The following SNPH variants were observed in gnomAD, a reference collection of about 807,000 sequenced individuals.
The protein encoded by SNPH is syntaphilin.
Under a neutral mutation model 36.8 loss-of-function variants are expected in SNPH, and 10 were observed. The ratio of observed to expected loss-of-function variants is 0.27; its 90% CI spans 0.17 to 0.46. SNPH has a LOEUF of 0.46. SNPH is among the 20% of genes least tolerant of loss of function. SNPH has a pLI of 1.00. For missense variants in SNPH, 622 were observed against 744.0 expected (o/e 0.84, Z 1.91); for synonymous variants, 281 against 312.2 (o/e 0.90, Z 1.05).
intron 5 of SNPH, among the ~76,000 whole-genome samples, chr20:1,298,607 C>T (rs535150420): frequency 3.3e-5 from 5 of 152,190 alleles, no homozygotes; most frequent in Non-Finnish European, 5.9e-5. Context: ...TAACACACCT[C>T]GTAACTGCAG....
Position 1,306,096 on chromosome 20 carries a change from A to T in SNPH, c.*42A>T. The T allele has an allele frequency of 7.3e-7, 1 of 1,368,334 alleles. No individual in the cohort carries two copies. The highest frequency in any genetic ancestry group is 1.6e-5 in the South Asian group (1 of 62,196). The allele number at this position is 1,368,334 out of a possible 1,614,324, so 84.8% of individuals were successfully genotyped here. ...AGCGGCGCCTGCGGCCTGACCACTG[A>T]TTGTAGGGATGCCGTTCCCCCCTCC... On this transcript the variant is annotated 3_prime_UTR_variant, in exon 7 of 7. Transcript: ENST00000381867.
intron 2 of SNPH, among the ~76,000 whole-genome samples, chr20:1,283,649 T>G (rs1282590507): frequency 6.6e-6 from 1 of 152,244 alleles, no homozygotes; most frequent in Non-Finnish European, 1.5e-5. Context: ...CATGCAGGTC[T>G]TTAAGCATGA....
rs1236551159 is a variant in SNPH, at chr20:1,305,405, G to C, written c.968G>C (p.Ser323Thr). Residue 323 changes from serine to threonine, a missense_variant, in exon 7 of 7, where the codon AGC becomes ACC. Transcript: ENST00000381867. ...GGCACCGAGGAGACCTCGCTGCACA[G>C]CTCCTTCGGCCTGGGCCCCCGCTTC... The part of the protein sequence containing the change: ...DCGTEETSLH[S>T]SFGLGPRFPA... The C allele has an allele frequency of 1.2e-6, 2 of 1,613,042 alleles. No individual in the cohort carries two copies. The highest frequency in any genetic ancestry group is 1.7e-6 in the Non-Finnish European group (2 of 1,180,020).
Position 1,266,553 on chromosome 20 carries a change from G to C in SNPH, c.-599-101G>C. 1.5e-6 allele frequency: 2 copies of C among 1,375,678 alleles called. No homozygotes were observed. The highest frequency in any genetic ancestry group is 1.9e-6 in the Non-Finnish European group (2 of 1,067,028). 85.2% of individuals were successfully genotyped at this position (1,375,678 alleles called of 1,614,324 possible). ...GGCAGCCTGCCCTCCAAGCCTTCTG[G>C]CTGCAGCGGCCCAGCTGTCAGCGGC... is the stretch of plus-strand genomic sequence containing the variant. On this transcript the variant is annotated intron_variant, in intron 1 of 6. Coordinates refer to ENST00000381867, the MANE Select transcript of SNPH (RefSeq NM_001318234.2). The surrounding 1 kb of genome is among the most constrained non-coding windows in gnomAD (Gnocchi z 6.0).
In SNPH at chr20:1,308,059, A is replaced by C. The variant is rs1446164283; in HGVS notation, c.*2005A>C. The C allele has an allele frequency of 6.6e-6, 1 of 152,558 alleles. No individual in the cohort carries two copies. The highest frequency in any genetic ancestry group is 2.4e-5 in the African/African-American group (1 of 41,422). 9.5% of individuals were successfully genotyped at this position (152,558 alleles called of 1,614,324 possible). A position where few individuals can be genotyped will look rare whatever the true frequency, so the allele number is the denominator to read the frequency against. On this transcript the variant is annotated 3_prime_UTR_variant, in exon 7 of 7. Coordinates refer to ENST00000381867, the MANE Select transcript of SNPH (RefSeq NM_001318234.2). ...ATATTTGACAACATAAAATCTCTCT[A>C]TTTTTCACCACTGGAATTTAGTCAA...
intron 2 of SNPH, among the ~76,000 whole-genome samples, chr20:1,280,100 C>T (rs756175222): frequency 1.2e-4 from 19 of 152,336 alleles, no homozygotes; most frequent in East Asian, 1.9e-4. Context: ...CTGGCCGGAG[C>T]GGTGCCCACA....
chr20:1,289,512 TACACACAC>T (rs56289024), intron 2 of SNPH, among the ~76,000 whole-genome samples: 3,256 of 137,580 alleles, frequency 0.024, 53 homozygotes, highest in African/African-American at 0.051. Context: ...TTCATTTAAA[TACACACAC>T]ACACACACAC....
Position 1,304,821 on chromosome 20 carries a change from G to A in SNPH, c.441-57G>A. Reference sequence around the variant, plus strand: ...AGTGTCCTCTCCCTGCCTCTCCTTGGCGGTGACAGACCAGGCAGGCAGGCA... The same window carrying A: ...AGTGTCCTCTCCCTGCCTCTCCTTGACGGTGACAGACCAGGCAGGCAGGCA... On this transcript the variant is annotated intron_variant, in intron 6 of 6. Transcript: ENST00000381867. This position sits in a 1 kb window ranked among gnomAD's most constrained non-coding sequence, Gnocchi z 4.3. 1 of 1,532,920 alleles carries A rather than the reference G, an allele frequency of 6.5e-7. No homozygotes were observed. The highest frequency in any genetic ancestry group is 1.7e-5 in the Admixed American group (1 of 58,470). 95.0% of individuals were successfully genotyped at this position (1,532,920 alleles called of 1,614,324 possible).
chr20:1,272,188 G>A (rs1204239857), intron 2 of SNPH, among the ~76,000 whole-genome samples: 2 of 152,108 alleles, frequency 1.3e-5, no homozygotes, highest in African/African-American at 4.8e-5. Context: ...TCGTGTTCTC[G>A]TGTTTGGCTC....
Position 1,266,607 on chromosome 20 carries a change from GC to G in SNPH, c.-599-44del. On this transcript the variant is annotated intron_variant, in intron 1 of 6. Coordinates refer to ENST00000381867, the MANE Select transcript of SNPH (RefSeq NM_001318234.2). This position sits in a 1 kb window ranked among gnomAD's most constrained non-coding sequence, Gnocchi z 6.0. The stretch of plus-strand genomic sequence containing the variant: ...GGGCTCAGCTGCCTGGGTGTTCCCC[GC>G]CCGCGCTCACCCGCCCCGGTCTATC... The G allele has an allele frequency of 7.0e-7, 1 of 1,430,758 alleles. No individual in the cohort carries two copies. Among genetic ancestry groups the G allele is most frequent in the South Asian group, 1.5e-5 (1 of 65,108 alleles). 88.6% of individuals were successfully genotyped at this position (1,430,758 alleles called of 1,614,324 possible).
intron 2 of SNPH, among the ~76,000 whole-genome samples, chr20:1,278,962 CTGTT>C (rs2122281521): frequency 6.6e-6 from 1 of 152,316 alleles, no homozygotes; most frequent in African/African-American, 2.4e-5. Context: ...ATACATTCAT[CTGTT>C]TGTTGATGGA....
intron 5 of SNPH, among the ~76,000 whole-genome samples, chr20:1,298,080 C>G (rs2088461656): frequency 6.6e-6 from 1 of 152,210 alleles, no homozygotes; most frequent in Admixed American, 6.5e-5. Context: ...CATGGTAGGC[C>G]TTGTCCTGCT....
In SNPH at chr20:1,283,008, G is replaced by A. The variant is rs190864869; in HGVS notation, c.-492-11943G>A. Among the ~76,000 whole-genome samples, 197 of 152,282 alleles carry A rather than the reference G, an allele frequency of 1.3e-3. 1 individual carries two copies. Among genetic ancestry groups the A allele is most frequent in the African/African-American group, 4.5e-3 (187 of 41,550 alleles). ...TGTCCACAGAGCCAGTGTAGGCTGA[G>A]CCTTTCCCCTGAGTTTATTTTACAA... On this transcript the variant is annotated intron_variant, in intron 2 of 6. Coordinates refer to ENST00000381867, the MANE Select transcript of SNPH (RefSeq NM_001318234.2).
At chr20:1,302,755 A>G (rs1036486328) in intron 6 of SNPH, among the ~76,000 whole-genome samples, 3 of 152,272 alleles carry the variant, frequency 2.0e-5, no homozygotes, top group Non-Finnish European at 4.4e-5. Flanking sequence ...GTTCTTGACC[A>G]CAGCTCTGCC....
Position 1,266,656 on chromosome 20 carries a change from C to A in SNPH, c.-597C>A. On this transcript the variant is annotated splice_region_variant and 5_prime_UTR_variant, in exon 2 of 7. Transcript: ENST00000381867. The surrounding 1 kb of genome is among the most constrained non-coding windows in gnomAD (Gnocchi z 6.0). ...ATCTCTTTTTCCTAACCCCGCAGGT[C>A]GCTGATCAGGGCCAGGCGGCTGCAG... 3.4e-6 allele frequency: 5 copies of A among 1,489,300 alleles called. No individual in the cohort carries two copies. The highest frequency in any genetic ancestry group is 3.6e-6 in the Non-Finnish European group (4 of 1,122,198). 92.3% of individuals were successfully genotyped at this position (1,489,300 alleles called of 1,614,324 possible).
intron 2 of SNPH, among the ~76,000 whole-genome samples, chr20:1,271,762 C>T (rs2088076050): frequency 6.6e-6 from 1 of 152,166 alleles, no homozygotes; most frequent in African/African-American, 2.4e-5. Context: ...AGACTCAGTT[C>T]AAAAGCCACC....
At position 1,294,470 on chromosome 20, in the gene SNPH, G is replaced by A. The variant is rs2088403278; in HGVS notation, c.-492-481G>A. On this transcript the variant is annotated intron_variant, in intron 2 of 6. Transcript: ENST00000381867. This position sits in a 1 kb window ranked among gnomAD's most constrained non-coding sequence, Gnocchi z 4.4. The stretch of plus-strand genomic sequence containing the variant: ...CCTCCTCCATGGTTCCTGCTCTAGG[G>A]GCCAGCCCTACAGTTCCAGGAGGCC... Among the ~76,000 whole-genome samples the A allele has an allele frequency of 6.6e-6, 1 of 152,184 alleles. No homozygotes were observed. Among genetic ancestry groups the A allele is most frequent in the Admixed American group, 6.5e-5 (1 of 15,280 alleles).
chr20:1,279,823 G>T (rs1185699228), intron 2 of SNPH, among the ~76,000 whole-genome samples: 2 of 152,126 alleles, frequency 1.3e-5, no homozygotes, highest in Non-Finnish European at 2.9e-5. Context: ...GAGAGGCCTG[G>T]CTGGCCCTTG....
intron 5 of SNPH, among the ~76,000 whole-genome samples, chr20:1,298,804 TTGTGTGTGTGTGTGTGTGTGTG>T (rs3038999): frequency 1.4e-5 from 2 of 141,210 alleles, no homozygotes; most frequent in African/African-American, 2.6e-5. Flanking sequence ...TTTTTCTAAT[TTGTGTGTGTGTGTGTGTGTGTG>T]TGTGTGTGTG....
Sources: allele counts gnomAD v4.1 joint callset (sites outside exome capture counted in the v4.1 genomes callset), GRCh38; gene constraint gnomAD v4.1.1; non-coding constraint Gnocchi (gnomAD v3.1); transcripts MANE v1.5; gene names NCBI Gene and HGNC (gene_info 2026-07-23, HGNC 2026-07-21).